Variants in MARCHF11 observed in about 807,000 individuals in gnomAD.
MARCHF11 encodes the protein membrane associated ring-CH-type finger 11.
Under a neutral mutation model 37.3 loss-of-function variants are expected in MARCHF11, and 29 were observed. That is an observed-to-expected ratio of 0.78 (90% CI 0.58 to 1.06). The LOEUF is 1.06. MARCHF11 is among the 50% of genes least tolerant of loss of function. The probability of loss-of-function intolerance (pLI) is 0.00; values close to 1 mark genes in which losing one functional copy is unlikely to be tolerated. For missense variants in MARCHF11, 482 were observed against 533.4 expected (o/e 0.90, Z 0.95); for synonymous variants, 233 against 228.0 (o/e 1.02, Z -0.20).
rs1738429123 is a variant in MARCHF11, at chr5:16,179,395, GCTCGGGGGT to G, written c.172_180del (p.Thr58_Glu60del). ...AGCGGCTCGCTTGGCCCCGCGGCGC[GCTCGGGGGT>G]CTCGGGGGACGCGGGCAGCGGCGGC... On this transcript the variant is annotated inframe_deletion, in exon 1 of 4. Transcript: ENST00000332432. 1 of 1,147,068 alleles carries G rather than the reference GCTCGGGGGT, an allele frequency of 8.7e-7. No homozygotes were observed. The allele number at this position is 1,147,068 out of a possible 1,614,324, so 71.1% of individuals were successfully genotyped here. A position where few individuals can be genotyped will look rare whatever the true frequency, so the allele number is the denominator to read the frequency against.
chr5:16,091,073 G>T lies in MARCHF11; in HGVS notation c.702C>A (p.Ser234Arg). The part of the protein sequence containing the change: ...IKMKQPCQWQ[S>R]ISITLVEKVQ... ...CTTTCTCAACCAGTGTTATAGAAAT[G>T]CTCTGCCACTAAAAGAAAAACAGAG... The change falls in exon 3 of 4, where the codon AGC becomes AGA. Residue 234 changes from serine to arginine, a missense_variant. Ser to Arg is a moderately radical substitution (Grantham distance 110). Coordinates refer to ENST00000332432, the MANE Select transcript of MARCHF11 (RefSeq NM_001102562.3). The T allele has an allele frequency of 3.2e-6, 5 of 1,581,452 alleles. No individual in the cohort carries two copies. The highest frequency in any genetic ancestry group is 4.3e-6 in the Non-Finnish European group (5 of 1,163,212).
At chr5:16,090,739 G>T in intron 3 of MARCHF11, 150 bp downstream of exon 3, 1 of 538,974 alleles carries the variant, frequency 1.9e-6, no homozygotes, top group Non-Finnish European at 2.9e-6. Flanking sequence ...TAGAAAAGCA[G>T]CCCAATTGTG....
At chr5:16,100,296 G>T (rs991901837) in intron 2 of MARCHF11, among the ~76,000 whole-genome samples, 2 of 152,130 alleles carry the variant, frequency 1.3e-5, no homozygotes, top group Non-Finnish European at 2.9e-5. Context: ...GGGAGTAGGC[G>T]AGGCTGCCCT....
chr5:16,104,328 C>T (rs1737002943), intron 2 of MARCHF11, among the ~76,000 whole-genome samples: 1 of 152,040 alleles, frequency 6.6e-6, no homozygotes, highest in African/African-American at 2.4e-5. Context: ...AATTCTGTAA[C>T]AAAAAGCCCT....
intron 2 of MARCHF11, among the ~76,000 whole-genome samples, chr5:16,158,196 A>T (rs1209745542): frequency 5.9e-5 from 9 of 151,946 alleles, no homozygotes; most frequent in Non-Finnish European, 1.3e-4. Flanking sequence ...AGGATGTGGA[A>T]AAAAGGGAGC....
intron 2 of MARCHF11, among the ~76,000 whole-genome samples, chr5:16,109,344 G>T (rs1243462191): frequency 2.0e-5 from 3 of 152,172 alleles, no homozygotes; most frequent in Admixed American, 6.5e-5. Context: ...GGAGAAAAGA[G>T]GAGCTGAAGG....
chr5:16,178,680 T>C (rs1364989826), intron 1 of MARCHF11, among the ~76,000 whole-genome samples: 1 of 152,226 alleles, frequency 6.6e-6, no homozygotes, highest in African/African-American at 2.4e-5. Flanking sequence ...GAAAACGGAC[T>C]TCACCTTACA....
intron 2 of MARCHF11, among the ~76,000 whole-genome samples, chr5:16,146,285 A>G (rs1737793883): frequency 6.6e-6 from 1 of 152,150 alleles, no homozygotes; most frequent in African/African-American, 2.4e-5. Context: ...ACACCAAATC[A>G]TTCAAATACA....
intron 2 of MARCHF11, among the ~76,000 whole-genome samples, chr5:16,175,882 T>C (rs563186944): frequency 2.0e-5 from 3 of 152,218 alleles, no homozygotes; most frequent in Non-Finnish European, 4.4e-5. Context: ...TTACAGATAA[T>C]AGTAGTATTT....
chr5:16,178,119 A>G (rs1274547129), intron 1 of MARCHF11, among the ~76,000 whole-genome samples: 2 of 152,240 alleles, frequency 1.3e-5, no homozygotes, highest in Non-Finnish European at 2.9e-5. Context: ...AAATGTCTGC[A>G]AGATATAGCT....
intron 2 of MARCHF11, among the ~76,000 whole-genome samples, chr5:16,169,261 A>T (rs1738218820): frequency 6.6e-6 from 1 of 152,038 alleles, no homozygotes; most frequent in African/African-American, 2.4e-5. Flanking sequence ...CTTATGGGCG[A>T]CATCCTCCTC....
At chr5:16,068,140 C>T (rs7341181) in intron 3 of MARCHF11, among the ~76,000 whole-genome samples, 9,719 of 152,120 alleles carry the variant, frequency 0.064, 973 homozygotes, top group African/African-American at 0.22. Context: ...CTTGAGTGCT[C>T]ATTGTGTGGC....
At chr5:16,088,275 T>A (rs1006081656) in intron 3 of MARCHF11, among the ~76,000 whole-genome samples, 1 of 152,180 alleles carries the variant, frequency 6.6e-6, no homozygotes, top group African/African-American at 2.4e-5. Flanking sequence ...CACATCCCAC[T>A]GTATTCTAAT....
intron 2 of MARCHF11, among the ~76,000 whole-genome samples, chr5:16,129,898 A>T (rs910506188): frequency 3.9e-5 from 6 of 152,178 alleles, no homozygotes; most frequent in African/African-American, 1.4e-4. Context: ...CCTATCAATG[A>T]GATCAGTGTC....
At position 16,106,740 on chromosome 5, in the gene MARCHF11, G is replaced by A. The variant is rs539138898; in HGVS notation, c.694-15659C>T. On this transcript the variant is annotated intron_variant, in intron 2 of 3. Coordinates refer to ENST00000332432, the MANE Select transcript of MARCHF11 (RefSeq NM_001102562.3). ...AGGTGCCATTGACATCTAGCGGGTA[G>A]AGGCTAGGGATGCTGATAAACATCC... Among the ~76,000 whole-genome samples, 111 of 152,306 alleles carry A rather than the reference G, an allele frequency of 7.3e-4. 1 individual carries two copies. The highest frequency in any genetic ancestry group is 1.3e-3 in the Non-Finnish European group (91 of 68,022).
At chr5:16,157,463 C>A (rs1737996145) in intron 2 of MARCHF11, among the ~76,000 whole-genome samples, 1 of 151,890 alleles carries the variant, frequency 6.6e-6, no homozygotes, top group African/African-American at 2.4e-5. Flanking sequence ...CTACAGAAAT[C>A]AAAACAGCAT....
At chr5:16,125,929 A>G (rs1369468243) in intron 2 of MARCHF11, among the ~76,000 whole-genome samples, 3 of 152,192 alleles carry the variant, frequency 2.0e-5, no homozygotes, top group Non-Finnish European at 2.9e-5. Context: ...TGAAATCTGT[A>G]GATACTACGT....
intron 2 of MARCHF11, among the ~76,000 whole-genome samples, chr5:16,168,184 C>G (rs1353838366): frequency 1.3e-5 from 2 of 152,066 alleles, no homozygotes; most frequent in African/African-American, 4.8e-5. Context: ...ATTTCTCTTT[C>G]AAGTTTTCTT....
chr5:16,085,079 T>G (rs1736673206), intron 3 of MARCHF11, among the ~76,000 whole-genome samples: 1 of 152,032 alleles, frequency 6.6e-6, no homozygotes. Flanking sequence ...GAACAGGCAA[T>G]AACAGGATCA....
Sources: gnomAD v4.1 joint callset for allele counts (sites outside exome capture counted in the v4.1 genomes callset) on GRCh38, gnomAD v4.1.1 for gene constraint, MANE v1.5 for transcripts, NCBI Gene and HGNC (gene_info 2026-07-23, HGNC 2026-07-21) for gene names.